The following STOX2 variants were observed in gnomAD, a reference collection of about 807,000 sequenced individuals.
STOX2 encodes the protein storkhead box 2.
STOX2 carries 28 observed loss-of-function variants against 60.9 expected under a neutral mutation model. The ratio of observed to expected loss-of-function variants is 0.46; its 90% CI spans 0.34 to 0.63. The LOEUF is 0.63. Ranked by LOEUF, STOX2 falls within the 30% of genes least tolerant of loss-of-function variation. The probability of loss-of-function intolerance (pLI) is 0.01; values close to 1 mark genes in which losing one functional copy is unlikely to be tolerated. For missense variants in STOX2, 1,024 were observed against 1,187.7 expected, an observed-to-expected ratio of 0.86 and a Z score of 2.03; for synonymous variants, 472 against 463.9, an observed-to-expected ratio of 1.02 and a Z score of -0.22.
At chr4:183,982,450 T>C (rs967090816) in intron 1 of STOX2, among the ~76,000 whole-genome samples, 6 of 152,268 alleles carry the variant, frequency 3.9e-5, no homozygotes, top group Non-Finnish European at 8.8e-5. Context: ...GTAGGAACTT[T>C]CTGTTTTCCA....
At chr4:183,957,797 G>T (rs1230066884) in intron 1 of STOX2, among the ~76,000 whole-genome samples, 1 of 152,184 alleles carries the variant, frequency 6.6e-6, no homozygotes, top group Non-Finnish European at 1.5e-5. Context: ...GTTTCCTTCA[G>T]GGCGGATGGT....
rs986894448 is a variant in STOX2, at chr4:184,021,309, C to T, written c.*4025C>T. 3 of 152,174 alleles carry T rather than the reference C, an allele frequency of 2.0e-5. No homozygotes were observed. Among genetic ancestry groups the T allele is most frequent in the African/African-American group, 7.2e-5 (3 of 41,444 alleles). 9.4% of individuals were successfully genotyped at this position (152,174 alleles called of 1,614,324 possible). On this transcript the variant is annotated 3_prime_UTR_variant, in exon 4 of 4. Coordinates refer to ENST00000308497, the MANE Select transcript of STOX2 (RefSeq NM_020225.3). ...TTAAGATTCTCCAGGAACACAGTGG[C>T]AGCTATTGATGATCTGTTTTCTATC... is the stretch of plus-strand genomic sequence containing the variant.
chr4:183,920,863 C>T (rs6552720), intron 1 of STOX2, among the ~76,000 whole-genome samples: 32,479 of 152,082 alleles, frequency 0.21, 4,112 homozygotes, highest in African/African-American at 0.36. Context: ...GATGAGATAG[C>T]TGGGACCAAA....
At chr4:183,846,729 A>T (rs984153531) in intron 1 of STOX2, among the ~76,000 whole-genome samples, 1 of 152,068 alleles carries the variant, frequency 6.6e-6, no homozygotes, top group Non-Finnish European at 1.5e-5. Flanking sequence ...GTCAATTTAA[A>T]ATCTTTGCCT....
intron 1 of STOX2, among the ~76,000 whole-genome samples, chr4:183,852,357 G>T (rs1579335339): frequency 9.8e-6 from 1 of 101,754 alleles, no homozygotes; most frequent in Non-Finnish European, 2.0e-5. Flanking sequence ...AAGGATGAGA[G>T]AAACGATGAG....
At chr4:183,927,551 C>T (rs142747152) in intron 1 of STOX2, among the ~76,000 whole-genome samples, 2 of 151,624 alleles carry the variant, frequency 1.3e-5, no homozygotes, top group Non-Finnish European at 2.9e-5. Context: ...CCGGTAATTA[C>T]AATCTCCCCT....
intron 1 of STOX2, among the ~76,000 whole-genome samples, chr4:183,893,230 C>T (rs572616603): frequency 1.3e-5 from 2 of 152,100 alleles, no homozygotes; most frequent in African/African-American, 2.4e-5. Flanking sequence ...CTCGTATCTA[C>T]TGAGACGCCA....
chr4:183,947,081 G>A (rs1017639828), intron 1 of STOX2, among the ~76,000 whole-genome samples: 2 of 35,116 alleles, frequency 5.7e-5, no homozygotes, highest in South Asian at 6.2e-3. Flanking sequence ...TATCCTGGTG[G>A]GGGGTGGGGC....
intron 1 of STOX2, among the ~76,000 whole-genome samples, chr4:183,799,222 C>G (rs543969073): frequency 6.6e-6 from 1 of 152,272 alleles, no homozygotes; most frequent in East Asian, 1.9e-4. Context: ...CTTGAGTAGA[C>G]AAAAAGCTAG....
chr4:183,962,514 A>G (rs1403926484), intron 1 of STOX2, among the ~76,000 whole-genome samples: 1 of 152,220 alleles, frequency 6.6e-6, no homozygotes, highest in African/African-American at 2.4e-5. Flanking sequence ...TTACTATTTC[A>G]TGAGCTTTTT....
At chr4:183,867,300 A>T (rs1353754451) in intron 1 of STOX2, among the ~76,000 whole-genome samples, 1 of 152,230 alleles carries the variant, frequency 6.6e-6, no homozygotes, top group East Asian at 1.9e-4. Flanking sequence ...TACCTTTAAA[A>T]CTTAGGGAGA....
At chr4:183,953,691 G>A (rs1560902309) in intron 1 of STOX2, among the ~76,000 whole-genome samples, 1 of 151,366 alleles carries the variant, frequency 6.6e-6, no homozygotes, top group Non-Finnish European at 1.5e-5. Flanking sequence ...TCAGCCTCCC[G>A]AGTAGCTGGG....
At chr4:183,807,709 G>A (rs2111097348) in intron 1 of STOX2, among the ~76,000 whole-genome samples, 1 of 152,298 alleles carries the variant, frequency 6.6e-6, no homozygotes, top group East Asian at 1.9e-4. Flanking sequence ...GCTGGGGGAG[G>A]TGGGGTAGGC....
In STOX2 at chr4:183,905,319, G is replaced by A. The variant is rs974469893; in HGVS notation, c.-1472G>A. On this transcript the variant is annotated 5_prime_UTR_variant, in exon 1 of 4. Coordinates refer to ENST00000308497, the MANE Select transcript of STOX2 (RefSeq NM_020225.3). ...TGGTTGTTGGACCAGAAACAGCTGT[G>A]CAGAGCCGTGCCATCTAAAGAGCTG... The A allele has an allele frequency of 1.1e-4, 16 of 152,330 alleles. No homozygotes were observed. The highest frequency in any genetic ancestry group is 3.6e-4 in the African/African-American group (15 of 41,468). 9.4% of individuals were successfully genotyped at this position (152,330 alleles called of 1,614,324 possible).
intron 3 of STOX2, among the ~76,000 whole-genome samples, chr4:184,012,595 T>C (rs1000922699): frequency 6.6e-6 from 1 of 152,214 alleles, no homozygotes; most frequent in African/African-American, 2.4e-5. Context: ...TTCATTATTA[T>C]TATTATTATC....
intron 1 of STOX2, among the ~76,000 whole-genome samples, chr4:183,823,326 G>T (rs189307625): frequency 1.3e-5 from 2 of 152,282 alleles, no homozygotes; most frequent in Admixed American, 1.3e-4. Context: ...AACCCGGGAG[G>T]CAGAGGTTGC....
At chr4:183,959,652 T>C (rs1743356788) in intron 1 of STOX2, among the ~76,000 whole-genome samples, 2 of 152,222 alleles carry the variant, frequency 1.3e-5, no homozygotes, top group Admixed American at 1.3e-4. Flanking sequence ...TGTGGAATTA[T>C]GGGTAGAGCT....
chr4:183,846,976 T>C (rs1440480021), intron 1 of STOX2, among the ~76,000 whole-genome samples: 1 of 152,238 alleles, frequency 6.6e-6, no homozygotes, highest in Non-Finnish European at 1.5e-5. Flanking sequence ...TTTTGTTAAG[T>C]TCTGCCTTCT....
chr4:183,999,153 C>T (rs1733476989), intron 1 of STOX2, among the ~76,000 whole-genome samples: 1 of 152,120 alleles, frequency 6.6e-6, no homozygotes. Context: ...GATTTAAATA[C>T]ATTGTTCTAG....
Sources: allele counts gnomAD v4.1 joint callset (sites outside exome capture counted in the v4.1 genomes callset), GRCh38; gene constraint gnomAD v4.1.1; transcripts MANE v1.5; gene names NCBI Gene and HGNC (gene_info 2026-07-23, HGNC 2026-07-21).